The following EYS variants were observed in gnomAD, a reference collection of about 807,000 sequenced individuals.
EYS encodes the protein protein eyes shut homolog.
Under a neutral mutation model 282.1 loss-of-function variants are expected in EYS, and 250 were observed. That is an observed-to-expected ratio of 0.89 (90% CI 0.80 to 0.98). The LOEUF (loss-of-function observed/expected upper bound fraction) is 0.98. EYS is among the 50% of genes least tolerant of loss of function. The probability of loss-of-function intolerance (pLI) is 0.00; values close to 1 mark genes in which losing one functional copy is unlikely to be tolerated. For missense variants in EYS, 4,016 were observed against 3,709.0 expected (o/e 1.08, Z -2.15); for synonymous variants, 1,355 against 1,282.9 (o/e 1.06, Z -1.20).
chr6:64,563,159 T>G (rs1386206456), intron 26 of EYS, among the ~76,000 whole-genome samples: 1 of 152,026 alleles, frequency 6.6e-6, no homozygotes, highest in Non-Finnish European at 1.5e-5. Flanking sequence ...CTAATTTGGT[T>G]GGCTAGGAAA....
At chr6:65,408,105 A>C (rs559954193) in intron 5 of EYS, among the ~76,000 whole-genome samples, 1 of 152,228 alleles carries the variant, frequency 6.6e-6, no homozygotes, top group South Asian at 2.1e-4. Flanking sequence ...TGACTTTCAG[A>C]TATCAAACTT....
At chr6:64,002,745 C>T (rs1231719595) in intron 33 of EYS, among the ~76,000 whole-genome samples, 4 of 152,068 alleles carry the variant, frequency 2.6e-5, no homozygotes, top group African/African-American at 7.2e-5. Context: ...ACTATGTTGC[C>T]CAGGCGGGTC....
intron 31 of EYS, among the ~76,000 whole-genome samples, chr6:64,175,464 T>G (rs1012341587): frequency 3.9e-5 from 6 of 152,176 alleles, no homozygotes; most frequent in African/African-American, 1.4e-4. Flanking sequence ...GATAAATTAT[T>G]GCTTCATTTT....
At chr6:65,236,760 A>C (rs1766937064) in intron 12 of EYS, among the ~76,000 whole-genome samples, 1 of 152,182 alleles carries the variant, frequency 6.6e-6, no homozygotes, top group Non-Finnish European at 1.5e-5. Flanking sequence ...ATGACTATAA[A>C]GCAAAGATTT....
intron 33 of EYS, among the ~76,000 whole-genome samples, chr6:64,038,680 AT>A (rs952148267): frequency 6.6e-6 from 1 of 151,740 alleles, no homozygotes; most frequent in African/African-American, 2.4e-5. Flanking sequence ...TTTTTCCTCC[AT>A]TTTTTTAATG....
chr6:64,104,974 C>G (rs527640133), intron 31 of EYS, among the ~76,000 whole-genome samples: 1 of 150,484 alleles, frequency 6.6e-6, no homozygotes, highest in African/African-American at 2.4e-5. Flanking sequence ...TCAGTTCAAC[C>G]AATACAGATA....
At chr6:65,418,714 G>GT (rs1308834268) in intron 5 of EYS, among the ~76,000 whole-genome samples, 1 of 151,908 alleles carries the variant, frequency 6.6e-6, no homozygotes, top group Non-Finnish European at 1.5e-5. Flanking sequence ...TTGGGGGTTG[G>GT]TAGGTGAGGG....
At chr6:64,743,071 T>C (rs1562166384) in intron 22 of EYS, among the ~76,000 whole-genome samples, 1 of 152,116 alleles carries the variant, frequency 6.6e-6, no homozygotes. Context: ...AAAAATGACC[T>C]CATTTGAATT....
chr6:64,134,296 A>G (rs112983719), intron 31 of EYS, among the ~76,000 whole-genome samples: 1 of 152,056 alleles, frequency 6.6e-6, no homozygotes, highest in South Asian at 2.1e-4. Flanking sequence ...GCATTTCTTC[A>G]TCTTCAGAAT....
intron 28 of EYS, among the ~76,000 whole-genome samples, chr6:64,417,900 G>A (rs1309191342): frequency 2.0e-5 from 3 of 152,120 alleles, no homozygotes; most frequent in African/African-American, 7.2e-5. Context: ...TTGAACTCCA[G>A]ACCTCAAGGG....
chr6:65,242,567 A>G (rs183204413), intron 12 of EYS, among the ~76,000 whole-genome samples: 29 of 152,224 alleles, frequency 1.9e-4, no homozygotes, highest in Admixed American at 3.3e-4. Flanking sequence ...ATTTTTATTA[A>G]TGCTACTGTA....
chr6:64,344,493 G>T (rs553369598), intron 29 of EYS, among the ~76,000 whole-genome samples: 55 of 152,144 alleles, frequency 3.6e-4, no homozygotes, highest in African/African-American at 1.3e-3. Context: ...AAAGGCCTTT[G>T]ACAAAATTCA....
chr6:64,948,610 T>G (rs556923498), intron 14 of EYS, among the ~76,000 whole-genome samples: 258 of 147,042 alleles, frequency 1.8e-3, no homozygotes, highest in African/African-American at 4.8e-3. Flanking sequence ...TTAAATAATA[T>G]TAAATAATAG....
intron 35 of EYS, among the ~76,000 whole-genome samples, chr6:63,971,325 T>C (rs545680355): frequency 1.3e-5 from 2 of 152,368 alleles, no homozygotes; most frequent in African/African-American, 4.8e-5. Context: ...AGTAGCCTTC[T>C]ATATGCATGG....
intron 2 of EYS, among the ~76,000 whole-genome samples, chr6:65,523,586 A>G (rs1415090133): frequency 1.3e-5 from 2 of 152,206 alleles, no homozygotes; most frequent in East Asian, 3.9e-4. Context: ...TAGGATGAAT[A>G]AGTCTAGATG....
At chr6:64,050,798 T>C (rs570208735) in intron 33 of EYS, among the ~76,000 whole-genome samples, 73 of 152,288 alleles carry the variant, frequency 4.8e-4, no homozygotes, top group South Asian at 8.3e-4. Context: ...TTGAGGATGT[T>C]TACATATTAT....
chr6:65,265,654 G>A (rs996206190), intron 12 of EYS, among the ~76,000 whole-genome samples: 1 of 151,964 alleles, frequency 6.6e-6, no homozygotes, highest in East Asian at 1.9e-4. Flanking sequence ...AATAAATGAA[G>A]ATTAAATGAT....
chr6:65,216,223 T>C (rs1766309044), intron 12 of EYS, among the ~76,000 whole-genome samples: 1 of 152,112 alleles, frequency 6.6e-6, no homozygotes, highest in Admixed American at 6.6e-5. Flanking sequence ...ATATTTTATA[T>C]ATGCATAGTA....
chr6:64,678,009 A>G (rs116444333), intron 22 of EYS, among the ~76,000 whole-genome samples: 236 of 151,900 alleles, frequency 1.6e-3, no homozygotes, highest in African/African-American at 5.5e-3. Context: ...TTTTTATTTT[A>G]GTAACACTAA....
Sources: gnomAD v4.1 joint callset for allele counts (sites outside exome capture counted in the v4.1 genomes callset) on GRCh38, gnomAD v4.1.1 for gene constraint, MANE v1.5 for transcripts, NCBI Gene and HGNC (gene_info 2026-07-23, HGNC 2026-07-21) for gene names.